Variants in MYT1L observed in about 807,000 individuals in gnomAD.
The protein encoded by MYT1L is myelin transcription factor 1 like, also known as myelin transcription factor 1-like protein.
MYT1L carries 12 observed loss-of-function variants against 126.7 expected under a neutral mutation model. The observed-to-expected ratio is 0.09, with a 90% CI of 0.06 to 0.15. The LOEUF (loss-of-function observed/expected upper bound fraction) is 0.15. MYT1L is among the 10% of genes least tolerant of loss of function. MYT1L has a pLI of 1.00. For synonymous variants in MYT1L, 541 were observed against 604.2 expected (o/e 0.90, Z 1.53); for missense variants, 979 against 1,585.2 (o/e 0.62, Z 6.49).
intron 9 of MYT1L, among the ~76,000 whole-genome samples, chr2:1,931,114 G>T (rs1361601998): frequency 6.6e-6 from 1 of 152,208 alleles, no homozygotes; most frequent in Non-Finnish European, 1.5e-5. Flanking sequence ...TGCTGAGACA[G>T]CAGTTCACCA....
intron 5 of MYT1L, among the ~76,000 whole-genome samples, chr2:1,993,662 C>T (rs1301547787): frequency 1.3e-5 from 2 of 152,154 alleles, no homozygotes; most frequent in Non-Finnish European, 2.9e-5. Context: ...AAAATGATTA[C>T]ATGTATTTTG....
intron 4 of MYT1L, among the ~76,000 whole-genome samples, chr2:2,047,117 T>A (rs1056118083): frequency 6.6e-6 from 1 of 152,248 alleles, no homozygotes; most frequent in Non-Finnish European, 1.5e-5. Flanking sequence ...ATTAGTACAA[T>A]ATTAAAACAA....
chr2:1,954,381 C>T (rs141805819), intron 8 of MYT1L, among the ~76,000 whole-genome samples: 66 of 152,280 alleles, frequency 4.3e-4, no homozygotes, highest in African/African-American at 1.4e-3. Flanking sequence ...AGGATATTGC[C>T]GAAAACAAAC....
At chr2:2,137,660 G>A (rs190283963) in intron 3 of MYT1L, among the ~76,000 whole-genome samples, 8 of 151,988 alleles carry the variant, frequency 5.3e-5, no homozygotes, top group East Asian at 3.9e-4. Flanking sequence ...AAACTGGATC[G>A]CTTCCTTACA....
chr2:1,933,430 T>C (rs1487487448), intron 9 of MYT1L, among the ~76,000 whole-genome samples: 3 of 152,208 alleles, frequency 2.0e-5, no homozygotes, highest in Admixed American at 2.0e-4. Flanking sequence ...ATGCCTTGGC[T>C]TCAAGTTGTT....
chr2:2,047,068 C>T (rs2068272029), intron 4 of MYT1L, among the ~76,000 whole-genome samples: 1 of 152,092 alleles, frequency 6.6e-6, no homozygotes, highest in South Asian at 2.1e-4. Flanking sequence ...ACTACGTTTA[C>T]CCATTTATGC....
At chr2:2,279,147 T>C (rs2095410073) in intron 2 of MYT1L, among the ~76,000 whole-genome samples, 1 of 152,210 alleles carries the variant, frequency 6.6e-6, no homozygotes, top group Non-Finnish European at 1.5e-5. Flanking sequence ...TTCAGATATT[T>C]ACCATTTCTT....
At chr2:2,008,463 G>T (rs1389736326) in intron 4 of MYT1L, among the ~76,000 whole-genome samples, 4 of 152,214 alleles carry the variant, frequency 2.6e-5, no homozygotes, top group Non-Finnish European at 5.9e-5. Flanking sequence ...TCATTTGCCT[G>T]TTGGACATTT....
At chr2:2,235,163 C>A (rs1178941479) in intron 2 of MYT1L, among the ~76,000 whole-genome samples, 1 of 151,952 alleles carries the variant, frequency 6.6e-6, no homozygotes, top group Admixed American at 6.5e-5. Flanking sequence ...CTCACATCCT[C>A]CCTTAGAGGG....
intron 4 of MYT1L, among the ~76,000 whole-genome samples, chr2:2,037,269 G>A (rs1017400730): frequency 3.9e-5 from 6 of 152,188 alleles, no homozygotes; most frequent in South Asian, 2.1e-4. Flanking sequence ...TAAGTTCTAC[G>A]GTAACTGGGA....
At chr2:1,973,851 C>T (rs1232144111) in intron 8 of MYT1L, among the ~76,000 whole-genome samples, 1 of 152,224 alleles carries the variant, frequency 6.6e-6, no homozygotes, top group African/African-American at 2.4e-5. Flanking sequence ...AGGCCTCCCA[C>T]ACCAATGCAG....
intron 18 of MYT1L, chr2:1,883,840 C>T (rs58753759): frequency 1.3e-5 from 2 of 152,158 alleles, no homozygotes; most frequent in African/African-American, 4.8e-5. Flanking sequence ...ACCAGATGGG[C>T]TAGGGAGCAA....
chr2:2,276,736 T>G (rs901462859), intron 2 of MYT1L, among the ~76,000 whole-genome samples: 1 of 152,118 alleles, frequency 6.6e-6, no homozygotes, highest in African/African-American at 2.4e-5. Context: ...TCTCTGCAGG[T>G]GCATACAAGA....
chr2:2,149,190 C>T (rs117893803), intron 3 of MYT1L, among the ~76,000 whole-genome samples: 1 of 152,190 alleles, frequency 6.6e-6, no homozygotes, highest in East Asian at 1.9e-4. Flanking sequence ...AGAGCAAGTT[C>T]AATAACATAT....
intron 21 of MYT1L, chr2:1,825,402 T>C (rs12477678): frequency 6.6e-6 from 1 of 152,080 alleles, no homozygotes; most frequent in African/African-American, 2.4e-5. Context: ...ATTGGTAGAA[T>C]TTACATGTTA....
At chr2:2,021,593 T>C (rs1316381217) in intron 4 of MYT1L, among the ~76,000 whole-genome samples, 1 of 152,160 alleles carries the variant, frequency 6.6e-6, no homozygotes, top group Non-Finnish European at 1.5e-5. Context: ...TTTACTTGCA[T>C]TCATTAAATG....
At chr2:2,005,357 GTTCTTTCCTGCATGCC>G (rs2063148930) in intron 4 of MYT1L, among the ~76,000 whole-genome samples, 1 of 136,924 alleles carries the variant, frequency 7.3e-6, no homozygotes, top group African/African-American at 2.8e-5. Context: ...TCCTGCATGC[GTTCTTTCCTGCATGCC>G]TTCTTTCCTG....
intron 3 of MYT1L, among the ~76,000 whole-genome samples, chr2:2,069,848 TTGTTGGC>T (rs2074377179): frequency 6.6e-6 from 1 of 151,952 alleles, no homozygotes; most frequent in Non-Finnish European, 1.5e-5. Context: ...TTTGGTATGT[TTGTTGGC>T]TGCATAAATG....
At chr2:2,174,414 C>A (rs1246881174) in intron 2 of MYT1L, among the ~76,000 whole-genome samples, 1 of 152,188 alleles carries the variant, frequency 6.6e-6, no homozygotes, top group Non-Finnish European at 1.5e-5. Context: ...ATCAGACATA[C>A]CACCTTGAAA....
Sources: allele counts gnomAD v4.1 joint callset (sites outside exome capture counted in the v4.1 genomes callset), GRCh38; gene constraint gnomAD v4.1.1; transcripts MANE v1.5; gene names NCBI Gene and HGNC (gene_info 2026-07-23, HGNC 2026-07-21).